NUSAP1: variants seen among roughly 807,000 people sequenced by gnomAD.
NUSAP1 encodes the protein nucleolar and spindle-associated protein 1.
NUSAP1 carries 32 observed loss-of-function variants against 52.8 expected under a neutral mutation model. The observed-to-expected ratio is 0.61, with a 90% CI of 0.46 to 0.81. The LOEUF is 0.81. NUSAP1 is among the 40% of genes least tolerant of loss of function. The pLI is 0.00. For missense variants in NUSAP1, 499 were observed against 522.3 expected (o/e 0.96, Z 0.43); for synonymous variants, 195 against 183.1 (o/e 1.06, Z -0.52).
rs540762573 is a variant in NUSAP1, at chr15:41,371,707, G to C, written c.1006+23G>C. 7.8e-6 allele frequency: 12 copies of C among 1,541,008 alleles called. 1 individual carries two copies. The South Asian group carries it at 9.8e-5, about 13-fold the overall frequency. ...CTGGTAAAAAAAAAAAAAAACAAAA[G>C]AAATCTGTTTCATTTTTAAGCCATG... On this transcript the variant is annotated intron_variant, in intron 8 of 10. Transcript: ENST00000559596.
intron 8 of NUSAP1, among the ~76,000 whole-genome samples, chr15:41,373,854 C>T (rs1161078919): frequency 6.6e-6 from 1 of 151,998 alleles, no homozygotes; most frequent in African/African-American, 2.4e-5. Flanking sequence ...AGGTGTGAGC[C>T]ATATCTGTTA....
chr15:41,365,542 G>A lies in NUSAP1; in HGVS notation c.801G>A (p.Lys267=). ...GPASQSTLGL[K]GSLKRSAISA... ...CAAGTCAGAGTACCTTGGGTCTGAA[G>A]GGGTCACTCAAGCGCTCTGCTATCT... The change falls in exon 7 of 11, where the codon AAG becomes AAA. Residue 267 remains lysine (K), a synonymous_variant. Transcript: ENST00000559596. 1 of 1,612,830 alleles carries A rather than the reference G, an allele frequency of 6.2e-7. No individual in the cohort carries two copies. The highest frequency in any genetic ancestry group is 8.5e-7 in the Non-Finnish European group (1 of 1,179,424).
chr15:41,342,273 GT>G (rs1427327335), intron 1 of NUSAP1, 112 bp from the exon 2 acceptor site: 5 of 701,010 alleles, frequency 7.1e-6, no homozygotes, highest in Non-Finnish European at 1.2e-5. Context: ...AATGGTTCTA[GT>G]CCTATGGTCT....
Position 41,365,545 on chromosome 15 carries a change from G to GTCAC in NUSAP1, c.808_811dup (p.Lys271ThrfsTer10). 1 of 1,612,814 alleles carries GTCAC rather than the reference G, an allele frequency of 6.2e-7. No individual in the cohort carries two copies. Among genetic ancestry groups the GTCAC allele is most frequent in the Non-Finnish European group, 8.5e-7 (1 of 1,179,418 alleles). On this transcript the variant is annotated frameshift_variant, in exon 7 of 11. Transcript: ENST00000559596. LOFTEE classifies it high-confidence loss of function. ...GTCAGAGTACCTTGGGTCTGAAGGG[G>GTCAC]TCACTCAAGCGCTCTGCTATCTCTG...
intron 10 of NUSAP1, among the ~76,000 whole-genome samples, chr15:41,378,695 G>A (rs956148208): frequency 2.0e-5 from 3 of 151,944 alleles, no homozygotes; most frequent in Non-Finnish European, 4.4e-5. Context: ...ACTTGAACCC[G>A]GGAGGCGGAG....
chr15:41,339,497 A>G (rs2048299178), intron 1 of NUSAP1, among the ~76,000 whole-genome samples: 1 of 148,788 alleles, frequency 6.7e-6, no homozygotes, highest in South Asian at 2.1e-4. Flanking sequence ...TGCAACCTCC[A>G]CCTCCTGGAT....
intron 1 of NUSAP1, among the ~76,000 whole-genome samples, chr15:41,336,714 A>G (rs1251747496): frequency 2.9e-5 from 4 of 137,982 alleles, no homozygotes; most frequent in Middle Eastern, 3.8e-3. Context: ...TGGCACAATC[A>G]GGCCTCACTG....
chr15:41,341,475 C>T (rs1190725623), intron 1 of NUSAP1, among the ~76,000 whole-genome samples: 1 of 152,040 alleles, frequency 6.6e-6, no homozygotes, highest in Non-Finnish European at 1.5e-5. Flanking sequence ...CTCAGTGTTC[C>T]CTTCCCCCGG....
intron 1 of NUSAP1, among the ~76,000 whole-genome samples, chr15:41,333,385 A>G (rs1264919982): frequency 6.6e-6 from 1 of 152,180 alleles, no homozygotes; most frequent in Non-Finnish European, 1.5e-5. Flanking sequence ...AGAAAGCACA[A>G]GGGGTGTCGT....
At chr15:41,365,718 CTT>C (rs2049376102) in intron 7 of NUSAP1, 129 bp downstream of exon 7, 1 of 584,600 alleles carries the variant, frequency 1.7e-6, no homozygotes, top group Non-Finnish European at 2.6e-6. Context: ...CTTTTCTTTT[CTT>C]TTTCTTTTTT....
chr15:41,338,008 C>T (rs2048227784), intron 1 of NUSAP1, among the ~76,000 whole-genome samples: 1 of 146,192 alleles, frequency 6.8e-6, no homozygotes, highest in South Asian at 2.2e-4. Flanking sequence ...TCTCGGCTCA[C>T]TGCAACCTCC....
chr15:41,357,521 G>A (rs2049017715), intron 5 of NUSAP1, among the ~76,000 whole-genome samples: 1 of 150,390 alleles, frequency 6.6e-6, no homozygotes, highest in South Asian at 2.2e-4. Flanking sequence ...TAGGCTCACT[G>A]CAACCTCCAC....
chr15:41,375,412 G>C (rs1226581204), intron 8 of NUSAP1, among the ~76,000 whole-genome samples: 1 of 151,832 alleles, frequency 6.6e-6, no homozygotes, highest in African/African-American at 2.4e-5. Context: ...CTGACCTCAG[G>C]TGATCCACCC....
At chr15:41,367,508 G>C (rs1011884407) in intron 7 of NUSAP1, among the ~76,000 whole-genome samples, 1 of 152,166 alleles carries the variant, frequency 6.6e-6, no homozygotes, top group Non-Finnish European at 1.5e-5. Flanking sequence ...CCCCAGCAGA[G>C]CACAGTGCAC....
At chr15:41,372,878 A>T (rs963389817) in intron 8 of NUSAP1, among the ~76,000 whole-genome samples, 2 of 152,166 alleles carry the variant, frequency 1.3e-5, no homozygotes, top group African/African-American at 2.4e-5. Context: ...ACTTGAGGTC[A>T]GAATTTCAAG....
At chr15:41,362,573 C>T (rs1476455574) in intron 6 of NUSAP1, among the ~76,000 whole-genome samples, 2 of 151,380 alleles carry the variant, frequency 1.3e-5, no homozygotes, top group Admixed American at 6.6e-5. Context: ...TACGGGCGCC[C>T]GCCACCACAC....
Position 41,354,115 on chromosome 15 carries a change from C to G in NUSAP1, c.449-1924C>G, listed in dbSNP as rs577441636. On this transcript the variant is annotated intron_variant, in intron 4 of 10. Transcript: ENST00000559596. ...AATAAGCTGGCTACAGTGGCACATG[C>G]CTGTAGTCCCAGTTACTCAGGAGGC... is the stretch of plus-strand genomic sequence containing the variant. 2.4e-4 allele frequency among the ~76,000 whole-genome samples: 36 copies of G among 152,238 alleles called. 1 individual carries two copies. Among genetic ancestry groups the G allele is most frequent in the Middle Eastern group, 3.4e-3 (1 of 294 alleles).
intron 8 of NUSAP1, 41 bp from the exon 9 acceptor site, chr15:41,375,671 G>T (rs2049900491): frequency 1.1e-5 from 14 of 1,244,098 alleles, no homozygotes; most frequent in African/African-American, 1.5e-5. Flanking sequence ...CCAGGTCTTT[G>T]TTTCTAATTA....
At chr15:41,377,968 C>T (rs1278853373) in intron 10 of NUSAP1, among the ~76,000 whole-genome samples, 2 of 150,426 alleles carry the variant, frequency 1.3e-5, no homozygotes, top group South Asian at 2.1e-4. Flanking sequence ...CCAGCCTGGG[C>T]GACAGAGTGA....
Sources: allele counts gnomAD v4.1 joint callset (sites outside exome capture counted in the v4.1 genomes callset), GRCh38; gene constraint gnomAD v4.1.1; transcripts MANE v1.5; gene names NCBI Gene and HGNC (gene_info 2026-07-23, HGNC 2026-07-21).